Variants in NEK11 observed in about 807,000 individuals in gnomAD.
NEK11 encodes NIMA related kinase 11, also known as serine/threonine-protein kinase Nek11.
NEK11 carries 72 observed loss-of-function variants against 80.7 expected under a neutral mutation model. The observed-to-expected ratio is 0.89, with a 90% CI of 0.74 to 1.08. NEK11 has a LOEUF of 1.08. Ranked by LOEUF, NEK11 falls within the 50% of genes least tolerant of loss-of-function variation. The probability of loss-of-function intolerance (pLI) is 0.00; values close to 1 mark genes in which losing one functional copy is unlikely to be tolerated. For missense variants in NEK11, 764 were observed against 763.6 expected (o/e 1.00, Z -0.01); for synonymous variants, 251 against 260.7 (o/e 0.96, Z 0.36).
chr3:131,062,422 A>G (rs1350379902), intron 3 of NEK11, among the ~76,000 whole-genome samples: 1 of 152,210 alleles, frequency 6.6e-6, no homozygotes, highest in Non-Finnish European at 1.5e-5. Flanking sequence ...TTAAGAAACC[A>G]ACTTTGTTGA....
chr3:131,056,961 T>A (rs1255175902), intron 3 of NEK11, among the ~76,000 whole-genome samples: 8 of 151,624 alleles, frequency 5.3e-5, no homozygotes, highest in Non-Finnish European at 1.0e-4. Flanking sequence ...TATGTATACA[T>A]GTGCCATGCT....
chr3:131,082,341 A>G (rs779578001), intron 4 of NEK11, among the ~76,000 whole-genome samples: 2 of 152,246 alleles, frequency 1.3e-5, no homozygotes, highest in Non-Finnish European at 1.5e-5. Context: ...TTTAGAAACA[A>G]CTGACTCATA....
chr3:131,344,561 T>G (rs2097333628), intron 17 of NEK11, among the ~76,000 whole-genome samples: 1 of 152,142 alleles, frequency 6.6e-6, no homozygotes, highest in South Asian at 2.1e-4. Flanking sequence ...GTATCAATTT[T>G]CTGTATTAGG....
intron 17 of NEK11, among the ~76,000 whole-genome samples, chr3:131,335,470 AAAT>A (rs1233490785): frequency 2.0e-5 from 3 of 152,232 alleles, no homozygotes; most frequent in Non-Finnish European, 4.4e-5. Context: ...ACATATCTCA[AAAT>A]AATAAGAGCT....
chr3:131,148,694 AT>A (rs1184182236), intron 7 of NEK11, among the ~76,000 whole-genome samples: 1 of 151,502 alleles, frequency 6.6e-6, no homozygotes, highest in Non-Finnish European at 1.5e-5. Context: ...AGTTATTATT[AT>A]TTTTAACTTT....
chr3:131,082,453 C>T (rs541854463), intron 4 of NEK11, among the ~76,000 whole-genome samples: 1 of 152,334 alleles, frequency 6.6e-6, no homozygotes, highest in South Asian at 2.1e-4. Flanking sequence ...GTAGTCAGCA[C>T]TATTTCACAG....
intron 15 of NEK11, among the ~76,000 whole-genome samples, chr3:131,233,019 A>T (rs1297755235): frequency 6.6e-6 from 1 of 151,376 alleles, no homozygotes; most frequent in Non-Finnish European, 1.5e-5. Context: ...GAAGGAAGGA[A>T]GGAAGGAAGG....
chr3:131,203,763 GTGTGTATATATATATATATATATA>G (rs2094342711), intron 14 of NEK11, among the ~76,000 whole-genome samples: 2 of 35,526 alleles, frequency 5.6e-5, no homozygotes, highest in African/African-American at 2.3e-4. Flanking sequence ...GTGTGTGTGT[GTGTGTATATATATATATATATATA>G]TATATATATA....
intron 7 of NEK11, among the ~76,000 whole-genome samples, chr3:131,139,682 A>G: frequency 6.6e-6 from 1 of 152,212 alleles, no homozygotes; most frequent in East Asian, 1.9e-4. Flanking sequence ...CTAAAGAAAA[A>G]TTTAGTTGTG....
At chr3:131,118,399 C>T (rs2081693693) in intron 5 of NEK11, among the ~76,000 whole-genome samples, 1 of 152,156 alleles carries the variant, frequency 6.6e-6, no homozygotes, top group Admixed American at 6.5e-5. Context: ...AGGATTTTTG[C>T]ATCGATGTTC....
intron 14 of NEK11, among the ~76,000 whole-genome samples, chr3:131,184,231 G>T (rs964130375): frequency 5.3e-5 from 8 of 152,166 alleles, no homozygotes; most frequent in African/African-American, 1.9e-4. Flanking sequence ...GCAACTTAGA[G>T]TCAATAAACT....
chr3:131,269,746 CAGAAAGCAGAGCTTTA>C (rs770354424), intron 16 of NEK11, among the ~76,000 whole-genome samples: 9 of 152,158 alleles, frequency 5.9e-5, no homozygotes, highest in Non-Finnish European at 1.0e-4. Flanking sequence ...AGCTATTTTT[CAGAAAGCAGAGCTTTA>C]AGAAAGCAGA....
intron 5 of NEK11, among the ~76,000 whole-genome samples, chr3:131,116,681 G>C (rs940267992): frequency 2.6e-5 from 4 of 152,168 alleles, no homozygotes; most frequent in Non-Finnish European, 4.4e-5. Context: ...CCTGGTGTGA[G>C]ATGGTATCTC....
intron 17 of NEK11, among the ~76,000 whole-genome samples, chr3:131,338,271 T>TG (rs2097223749): frequency 6.8e-6 from 1 of 147,138 alleles, no homozygotes; most frequent in Admixed American, 6.8e-5. Context: ...AGCTGGTTTT[T>TG]TTTTTTTTTT....
rs370126725 is a variant in NEK11 at position 131,120,074 on chromosome 3, C to A, written c.455+10153C>A. ...AGTTGATGCAGTTTCTTCCTAGCAT[C>A]GATGGTCTTTACAATTTGGCATGTT... On this transcript the variant is annotated intron_variant, in intron 5 of 17. Transcript: ENST00000383366. Among the ~76,000 whole-genome samples the A allele has an allele frequency of 3.9e-5, 6 of 152,244 alleles. No individual in the cohort carries two copies. In the East Asian group the frequency reaches 9.6e-4, roughly 24 times the overall value.
chr3:131,084,690 A>G (rs1012804103), intron 4 of NEK11, among the ~76,000 whole-genome samples: 9 of 152,212 alleles, frequency 5.9e-5, no homozygotes, highest in Non-Finnish European at 1.0e-4. Context: ...CTGCTTGGTG[A>G]CATTAACATA....
At chr3:131,167,363 T>C (rs2092324803) in intron 12 of NEK11, among the ~76,000 whole-genome samples, 1 of 152,214 alleles carries the variant, frequency 6.6e-6, no homozygotes, top group Admixed American at 6.5e-5. Context: ...ATTATTTTGT[T>C]CTTTAAAATC....
intron 4 of NEK11, among the ~76,000 whole-genome samples, chr3:131,082,272 C>T (rs1315253273): frequency 6.6e-6 from 1 of 152,202 alleles, no homozygotes; most frequent in Non-Finnish European, 1.5e-5. Flanking sequence ...CTATGATCCA[C>T]CTGCTATAAT....
intron 3 of NEK11, among the ~76,000 whole-genome samples, chr3:131,051,066 TTC>T (rs1316930459): frequency 6.6e-6 from 1 of 152,206 alleles, no homozygotes; most frequent in Non-Finnish European, 1.5e-5. Flanking sequence ...TGAAGCCTAC[TTC>T]TTTAAAATTT....
Sources: allele counts gnomAD v4.1 joint callset (sites outside exome capture counted in the v4.1 genomes callset), GRCh38; gene constraint gnomAD v4.1.1; transcripts MANE v1.5; gene names NCBI Gene and HGNC (gene_info 2026-07-23, HGNC 2026-07-21).